The following NEGR1 variants were observed in gnomAD, a reference collection of about 807,000 sequenced individuals.
NEGR1 encodes neuronal growth regulator 1.
NEGR1 carries 10 observed loss-of-function variants against 40.9 expected under a neutral mutation model. That is an observed-to-expected ratio of 0.24 (90% confidence interval 0.15 to 0.42). The LOEUF (loss-of-function observed/expected upper bound fraction) is 0.42. Ranked by LOEUF, NEGR1 falls within the 10% of genes least tolerant of loss-of-function variation. The pLI, the probability that NEGR1 is intolerant of heterozygous loss-of-function variation, is 1.00. For missense variants in NEGR1, 352 were observed against 438.9 expected (o/e 0.80, Z 1.77); for synonymous variants, 185 against 166.8 (o/e 1.11, Z -0.84).
chr1:71,482,771 A>G (rs1326584957), intron 6 of NEGR1, among the ~76,000 whole-genome samples: 1 of 151,838 alleles, frequency 6.6e-6, no homozygotes, highest in African/African-American at 2.4e-5. Flanking sequence ...TGTGGGCCTA[A>G]GTGTTATTAA....
chr1:71,910,580 C>A (rs576429561), intron 2 of NEGR1, among the ~76,000 whole-genome samples: 8 of 152,276 alleles, frequency 5.3e-5, no homozygotes, highest in African/African-American at 1.9e-4. Context: ...CCTACCATTA[C>A]TGTTAATTAA....
At chr1:71,569,152 G>A (rs962044517) in intron 6 of NEGR1, among the ~76,000 whole-genome samples, 2 of 151,958 alleles carry the variant, frequency 1.3e-5, no homozygotes. Flanking sequence ...TCCTGACCTC[G>A]TGATCCTCCT....
chr1:71,728,043 A>G (rs1654730043), intron 3 of NEGR1, among the ~76,000 whole-genome samples: 1 of 152,190 alleles, frequency 6.6e-6, no homozygotes, highest in Non-Finnish European at 1.5e-5. Context: ...CGGGACAGGT[A>G]TATGAAATCC....
chr1:71,817,781 A>G (rs537560847), intron 2 of NEGR1, among the ~76,000 whole-genome samples: 1 of 152,070 alleles, frequency 6.6e-6, no homozygotes, highest in Non-Finnish European at 1.5e-5. Flanking sequence ...AATAATACAT[A>G]AAACTTTATC....
intron 1 of NEGR1, among the ~76,000 whole-genome samples, chr1:72,069,770 A>C (rs569805181): frequency 1.3e-5 from 2 of 152,254 alleles, no homozygotes; most frequent in African/African-American, 2.4e-5. Flanking sequence ...TTTAGAAATA[A>C]ATTTTGAATA....
At chr1:71,625,004 T>TA (rs1329681301) in intron 4 of NEGR1, among the ~76,000 whole-genome samples, 1 of 151,980 alleles carries the variant, frequency 6.6e-6, no homozygotes, top group African/African-American at 2.4e-5. Context: ...AGGCACTCAA[T>TA]AAAAAATAAA....
chr1:72,063,018 A>G (rs1355309264), intron 1 of NEGR1, among the ~76,000 whole-genome samples: 2 of 151,914 alleles, frequency 1.3e-5, no homozygotes, highest in African/African-American at 4.8e-5. Context: ...AGTTCTTTCT[A>G]TATGTTGCAT....
chr1:72,238,189 T>G (rs1654622006), intron 1 of NEGR1, among the ~76,000 whole-genome samples: 1 of 151,850 alleles, frequency 6.6e-6, no homozygotes, highest in Admixed American at 6.6e-5. Context: ...ATCTTCCTCT[T>G]TCCTCCTTTA....
At chr1:72,023,265 C>G (rs184596813) in intron 1 of NEGR1, among the ~76,000 whole-genome samples, 3 of 151,998 alleles carry the variant, frequency 2.0e-5, no homozygotes, top group South Asian at 4.2e-4. Flanking sequence ...GTGGTGGTAT[C>G]GTACCCCGAG....
At chr1:71,712,037 A>G (rs571865831) in intron 3 of NEGR1, among the ~76,000 whole-genome samples, 306 of 152,296 alleles carry the variant, frequency 2.0e-3, no homozygotes, top group African/African-American at 7.1e-3. Context: ...CTGGTTTAGT[A>G]TTGAAGGATA....
intron 1 of NEGR1, among the ~76,000 whole-genome samples, chr1:72,191,246 A>G (rs1435951317): frequency 6.6e-6 from 1 of 151,794 alleles, no homozygotes; most frequent in Non-Finnish European, 1.5e-5. Context: ...ATATGTACAT[A>G]TCATGAGAGT....
At chr1:72,210,853 G>A (rs1308917905) in intron 1 of NEGR1, among the ~76,000 whole-genome samples, 2 of 151,830 alleles carry the variant, frequency 1.3e-5, no homozygotes, top group African/African-American at 4.8e-5. Flanking sequence ...AAGGTTCACT[G>A]ATACAGTTTG....
chr1:71,764,197 T>G (rs1656043675), intron 3 of NEGR1, among the ~76,000 whole-genome samples: 1 of 152,256 alleles, frequency 6.6e-6, no homozygotes, highest in African/African-American at 2.4e-5. Context: ...TAGAAATTTG[T>G]CAATTGAATA....
At chr1:72,181,171 G>A (rs895029860) in intron 1 of NEGR1, among the ~76,000 whole-genome samples, 1 of 152,146 alleles carries the variant, frequency 6.6e-6, no homozygotes, top group African/African-American at 2.4e-5. Flanking sequence ...GAATGTCCAT[G>A]GGCTTCTGAG....
intron 2 of NEGR1, among the ~76,000 whole-genome samples, chr1:71,928,113 C>T (rs1294831989): frequency 6.9e-5 from 5 of 72,670 alleles, no homozygotes; most frequent in East Asian, 4.2e-4. Flanking sequence ...TATATATACA[C>T]ATATGTATAT....
intron 1 of NEGR1, among the ~76,000 whole-genome samples, chr1:72,027,047 T>A (rs919370288): frequency 6.6e-6 from 1 of 152,140 alleles, no homozygotes; most frequent in African/African-American, 2.4e-5. Context: ...CGCCTCAACG[T>A]CCAGAGCAGG....
intron 1 of NEGR1, among the ~76,000 whole-genome samples, chr1:72,146,811 T>C (rs1650927625): frequency 1.3e-5 from 2 of 152,186 alleles, no homozygotes; most frequent in Admixed American, 1.3e-4. Flanking sequence ...TTTTAACACC[T>C]CAGTAGGTTG....
chr1:71,897,580 GA>G (rs1308816082), intron 2 of NEGR1, among the ~76,000 whole-genome samples: 1 of 152,212 alleles, frequency 6.6e-6, no homozygotes, highest in South Asian at 2.1e-4. Context: ...AAAAGAAAGA[GA>G]AAAACGTAGT....
At chr1:71,700,101 A>T (rs1653636229) in intron 3 of NEGR1, among the ~76,000 whole-genome samples, 1 of 152,024 alleles carries the variant, frequency 6.6e-6, no homozygotes, top group South Asian at 2.1e-4. Flanking sequence ...GAGAAGGTAG[A>T]TCAATTTATT....
Sources: gnomAD v4.1 joint callset for allele counts (sites outside exome capture counted in the v4.1 genomes callset) on GRCh38, gnomAD v4.1.1 for gene constraint, MANE v1.5 for transcripts, NCBI Gene and HGNC (gene_info 2026-07-23, HGNC 2026-07-21) for gene names.